The following NKD1 variants were observed in gnomAD, a reference collection of about 807,000 sequenced individuals.
NKD1 encodes protein naked cuticle homolog 1.
Under a neutral mutation model 56.0 loss-of-function variants are expected in NKD1, and 21 were observed. That is an observed-to-expected ratio of 0.38 (90% CI 0.27 to 0.54). The LOEUF is 0.54. NKD1 is among the 20% of genes least tolerant of loss of function. The pLI, the probability that NKD1 is intolerant of heterozygous loss-of-function variation, is 0.82. For synonymous variants in NKD1, 263 were observed against 265.7 expected (o/e 0.99, Z 0.10); for missense variants, 578 against 642.7 (o/e 0.90, Z 1.09).
rs928020320 is a variant in NKD1, at chr16:50,548,484, C to T, written c.-70C>T. 9 of 1,291,884 alleles carry T rather than the reference C, an allele frequency of 7.0e-6. No homozygotes were observed. Among genetic ancestry groups the T allele is most frequent in the Middle Eastern group, 5.6e-4 (2 of 3,554 alleles). The allele number at this position is 1,291,884 out of a possible 1,614,324, so 80.0% of individuals were successfully genotyped here. A position where few individuals can be genotyped will look rare whatever the true frequency, so the allele number is the denominator to read the frequency against. On this transcript the variant is annotated 5_prime_UTR_variant, in exon 1 of 10. Transcript: ENST00000268459. ...GGGGGCTGCTTCGGGAGGAGGAGAG[C>T]CAAGGGAGGCGCCAGGCCCGCGGGC...
At chr16:50,613,697 G>A (rs1468986495) in intron 4 of NKD1, 1 of 151,740 alleles carries the variant, frequency 6.6e-6, no homozygotes, top group Non-Finnish European at 1.5e-5. Flanking sequence ...CAAGTAGCTC[G>A]GGGTTAGATT....
intron 3 of NKD1, among the ~76,000 whole-genome samples, chr16:50,595,620 C>A (rs964542484): frequency 2.0e-5 from 3 of 152,194 alleles, no homozygotes; most frequent in Non-Finnish European, 4.4e-5. Context: ...CTCTAAGTCT[C>A]CCCATCTGTA....
intron 5 of NKD1, among the ~76,000 whole-genome samples, chr16:50,624,962 C>T (rs1316479157): frequency 6.6e-6 from 1 of 152,176 alleles, no homozygotes; most frequent in African/African-American, 2.4e-5. Context: ...GAGAGGCTGT[C>T]ATTTTCCATA....
At position 50,623,808 on chromosome 16, in the gene NKD1, C is replaced by G. The variant is rs1323429962; in HGVS notation, c.367-1677C>G. ...AGGATGTGCACGTATAGGGGTATAC[C>G]TGTGTAGGTATGCGTGTGTGTAGGT... On this transcript the variant is annotated intron_variant, in intron 5 of 9. Transcript: ENST00000268459. The surrounding 1 kb of genome is among the most constrained non-coding windows in gnomAD (Gnocchi z 4.1). Among the ~76,000 whole-genome samples, 1 of 148,928 alleles carries G rather than the reference C, an allele frequency of 6.7e-6. No homozygotes were observed. Among genetic ancestry groups the G allele is most frequent in the Non-Finnish European group, 1.5e-5 (1 of 67,354 alleles).
chr16:50,598,830 G>A lies in NKD1; in HGVS notation c.193-9464G>A, dbSNP rs1961533195. Among the ~76,000 whole-genome samples the A allele has an allele frequency of 6.6e-6, 1 of 151,928 alleles. No homozygotes were observed. The highest frequency in any genetic ancestry group is 2.4e-5 in the African/African-American group (1 of 41,322). ...TCAGTGGTGCGATGTGCAGTGGCAT[G>A]GTAGAGTCAGTGGTGCAATGTTCAG... On this transcript the variant is annotated intron_variant, in intron 3 of 9. Transcript: ENST00000268459. This position sits in a 1 kb window ranked among gnomAD's most constrained non-coding sequence, Gnocchi z 4.2.
chr16:50,588,593 T>G (rs370660613), intron 3 of NKD1, among the ~76,000 whole-genome samples: 2 of 149,662 alleles, frequency 1.3e-5, no homozygotes, highest in African/African-American at 4.9e-5. Flanking sequence ...TTTTCTTTTC[T>G]TCTGCTTTTT....
intron 6 of NKD1, 119 bp downstream of exon 6, chr16:50,625,699 C>A: frequency 1.5e-6 from 1 of 682,972 alleles, no homozygotes; most frequent in Non-Finnish European, 2.6e-6. Context: ...CAGGGAAGGC[C>A]GTAACAGCCA....
chr16:50,608,184 T>A, intron 3 of NKD1, 110 bp from the exon 4 acceptor site: 1 of 814,768 alleles, frequency 1.2e-6, no homozygotes, highest in South Asian at 1.3e-5. Flanking sequence ...TCAGTTGACC[T>A]GAATTCCAAT....
chr16:50,603,307 C>T (rs932206050), intron 3 of NKD1, among the ~76,000 whole-genome samples: 5 of 152,186 alleles, frequency 3.3e-5, no homozygotes, highest in Admixed American at 6.5e-5. Flanking sequence ...GTCCTGCCTC[C>T]CGAGAGGGGA....
At chr16:50,616,188 A>T (rs1479261380) in intron 4 of NKD1, 2 of 422,180 alleles carry the variant, frequency 4.7e-6, no homozygotes, top group Non-Finnish European at 9.9e-6. Flanking sequence ...CTAGCAAGGA[A>T]GTTCTGGCTT....
rs777648200 is a variant in NKD1, at chr16:50,548,506, G to T, written c.-48G>T. The T allele has an allele frequency of 5.8e-6, 8 of 1,374,136 alleles. No individual in the cohort carries two copies. Among genetic ancestry groups the T allele is most frequent in the Non-Finnish European group, 7.6e-6 (8 of 1,058,842 alleles). The allele number at this position is 1,374,136 out of a possible 1,614,324, so 85.1% of individuals were successfully genotyped here. A position where few individuals can be genotyped will look rare whatever the true frequency, so the allele number is the denominator to read the frequency against. ...GAGCCAAGGGAGGCGCCAGGCCCGC[G>T]GGCCGGGCGCATGGCTTAGGGACGC... On this transcript the variant is annotated 5_prime_UTR_variant, in exon 1 of 10. Transcript: ENST00000268459.
At chr16:50,578,810 T>A (rs1314147620) in intron 3 of NKD1, among the ~76,000 whole-genome samples, 2 of 152,132 alleles carry the variant, frequency 1.3e-5, no homozygotes, top group Admixed American at 1.3e-4. Flanking sequence ...GTCACTGCCT[T>A]ATCTCATCAG....
At chr16:50,583,057 C>G (rs889200092) in intron 3 of NKD1, among the ~76,000 whole-genome samples, 38 of 152,154 alleles carry the variant, frequency 2.5e-4, no homozygotes, top group African/African-American at 9.2e-4. Context: ...CTGCTACCGA[C>G]TTGGGTGTTA....
intron 3 of NKD1, chr16:50,556,605 T>C (rs1960509222): frequency 1.3e-5 from 2 of 152,256 alleles, no homozygotes; most frequent in East Asian, 1.9e-4. Context: ...GGGCTTCACA[T>C]TGGTGTGGCC....
intron 3 of NKD1, among the ~76,000 whole-genome samples, chr16:50,569,266 T>G (rs17219166): frequency 7.2e-5 from 11 of 152,246 alleles, no homozygotes; most frequent in Non-Finnish European, 1.3e-4. Context: ...CTACAGCGTT[T>G]TAGCGCCCAG....
chr16:50,562,606 C>T (rs1960658518), intron 3 of NKD1, among the ~76,000 whole-genome samples: 1 of 152,154 alleles, frequency 6.6e-6, no homozygotes, highest in Non-Finnish European at 1.5e-5. Context: ...GGCCGAGGAC[C>T]ACCTACATCT....
chr16:50,559,758 C>G (rs1332312198), intron 3 of NKD1, among the ~76,000 whole-genome samples: 1 of 152,018 alleles, frequency 6.6e-6, no homozygotes, highest in Non-Finnish European at 1.5e-5. Flanking sequence ...TAGTGTCACC[C>G]TGGAGCGGAT....
At position 50,621,591 on chromosome 16, in the gene NKD1, C is replaced by G; in HGVS notation, c.260-11C>G. 1 of 1,607,770 alleles carries G rather than the reference C, an allele frequency of 6.2e-7. No homozygotes were observed. On this transcript the variant is annotated splice_polypyrimidine_tract_variant and intron_variant, in intron 4 of 9. Transcript: ENST00000268459. ...CTGCTCCTAATGCTCCCTCGCCTGCCTCCCCGACAGTGGCCCTGCCTCCTG... is the reference window on the plus strand; with the variant it reads ...CTGCTCCTAATGCTCCCTCGCCTGCGTCCCCGACAGTGGCCCTGCCTCCTG...
intron 4 of NKD1, among the ~76,000 whole-genome samples, chr16:50,615,283 A>G (rs1306403243): frequency 6.6e-6 from 1 of 152,216 alleles, no homozygotes; most frequent in African/African-American, 2.4e-5. Context: ...CCGTTGTTTC[A>G]TTTTGATGAT....
Sources: gnomAD v4.1 joint callset for allele counts (sites outside exome capture counted in the v4.1 genomes callset) on GRCh38, gnomAD v4.1.1 for gene constraint, Gnocchi (gnomAD v3.1) non-coding constraint, MANE v1.5 for transcripts, NCBI Gene and HGNC (gene_info 2026-07-23, HGNC 2026-07-21) for gene names.